Variants in CFB observed in about 807,000 individuals in gnomAD.
The protein encoded by CFB is B-factor, properdin.
CFB carries 59 observed loss-of-function variants against 97.2 expected under a neutral mutation model. The observed-to-expected ratio is 0.61, with a 90% CI of 0.49 to 0.75. CFB has a LOEUF of 0.75. CFB is among the 30% of genes least tolerant of loss of function. CFB has a pLI of 0.00. For missense variants in CFB, 771 were observed against 959.8 expected, an observed-to-expected ratio of 0.80 and a Z score of 2.60; for synonymous variants, 316 against 351.7, an observed-to-expected ratio of 0.90 and a Z score of 1.14.
chr6:31,947,547 T>A lies in CFB; in HGVS notation c.658+26T>A. On this transcript the variant is annotated intron_variant, in intron 4 of 17. Coordinates refer to ENST00000425368, the MANE Select transcript of CFB (RefSeq NM_001710.6). The surrounding 1 kb of genome is among the most constrained non-coding windows in gnomAD (Gnocchi z 5.3). ...GTGACCTTTGACCTGTACCCCCAGG[T>A]CAGATCCTGGTCTTCCATCCTACTG... 1 of 1,612,616 alleles carries A rather than the reference T, an allele frequency of 6.2e-7. No homozygotes were observed. The highest frequency in any genetic ancestry group is 8.5e-7 in the Non-Finnish European group (1 of 1,179,878).
chr6:31,950,741 A>C lies in CFB; in HGVS notation c.1747A>C (p.Lys583Gln). 1 of 1,613,082 alleles carries C rather than the reference A, an allele frequency of 6.2e-7. No homozygotes were observed. Among genetic ancestry groups the C allele is most frequent in the Middle Eastern group, 1.6e-4 (1 of 6,062 alleles). Residue 583 changes from lysine (K) to glutamine (Q), a missense_variant, in exon 13 of 18, where the codon AAG (lysine) becomes CAG (glutamine). Lys to Gln is a moderately conservative substitution (Grantham distance 53, BLOSUM62 1). Coordinates refer to ENST00000425368, the MANE Select transcript of CFB (RefSeq NM_001710.6). ...YDYDVALIKL[K>Q]NKLKYGQTIR... The stretch of plus-strand genomic sequence containing the variant: ...CTATGACGTTGCCCTGATCAAGCTC[A>C]AGAATAAGCTGAAATATGGCCAGAC...
rs757245217 is a variant in CFB at position 31,951,137 on chromosome 6, C to T, written c.1856-7C>T. 32 of 1,612,214 alleles carry T rather than the reference C, an allele frequency of 2.0e-5. No individual in the cohort carries two copies. Among genetic ancestry groups the T allele is most frequent in the Non-Finnish European group, 2.4e-5 (28 of 1,179,492 alleles). ...AGCAGCTGAAGTGACGCAGTCTATT[C>T]GTCCAGAGGAAGAGCTGCTCCCTGC... is the stretch of plus-strand genomic sequence containing the variant. On this transcript the variant is annotated splice_polypyrimidine_tract_variant and splice_region_variant and intron_variant, in intron 14 of 17. Transcript: ENST00000425368. The surrounding 1 kb of genome is among the most constrained non-coding windows in gnomAD (Gnocchi z 4.3).
chr6:31,949,260 G>A lies in CFB; in HGVS notation c.1186G>A (p.Gly396Arg), dbSNP rs141984066. The A allele has an allele frequency of 1.7e-5, 28 of 1,613,954 alleles. No individual in the cohort carries two copies. Among genetic ancestry groups the A allele is most frequent in the Non-Finnish European group, 2.2e-5 (26 of 1,180,048 alleles). ...LMTDGLHNMG[G>R]DPITVIDEIR... ...TTCTGCAGGATTGCACAACATGGGC[G>A]GGGACCCAATTACTGTCATTGATGA... Residue 396 changes from glycine to arginine, a missense_variant, in exon 9 of 18, where the codon GGG (glycine) becomes AGG (arginine). Coordinates refer to ENST00000425368, the MANE Select transcript of CFB (RefSeq NM_001710.6).
intron 8 of CFB, 112 bp from the exon 9 acceptor site, chr6:31,949,131 G>T: frequency 1.4e-6 from 2 of 1,428,884 alleles, no homozygotes; most frequent in South Asian, 2.4e-5. Context: ...TAAGCCCTGT[G>T]ATCAACTATC....
rs1582141381 is a variant in CFB, at chr6:31,950,848, G to A, written c.1779-20G>A. ...GGGTGAGGAGCAGGCCTGGTTTGCT[G>A]TTCTCCTTGTCCTTTATAGGCCCAT... is the stretch of plus-strand genomic sequence containing the variant. On this transcript the variant is annotated intron_variant, in intron 13 of 17. Coordinates refer to ENST00000425368, the MANE Select transcript of CFB (RefSeq NM_001710.6). The A allele has an allele frequency of 1.2e-6, 2 of 1,613,056 alleles. No individual in the cohort carries two copies. Among genetic ancestry groups the A allele is most frequent in the African/African-American group, 1.3e-5 (1 of 75,044 alleles).
rs1771505664 is a variant in CFB at position 31,947,453 on chromosome 6, T to A, written c.590T>A (p.Leu197Gln). The change falls in exon 4 of 18, where the codon CTG becomes CAG. Residue 197 changes from leucine (L) to glutamine (Q), a missense_variant. Physicochemically the swap from Leu to Gln is moderately radical, Grantham distance 113. Transcript: ENST00000425368. The surrounding 1 kb of genome is among the most constrained non-coding windows in gnomAD (Gnocchi z 5.3). ...TACCACTGCAGCCGGGGGCTTACCC[T>A]GCGTGGCTCCCAGCGGCGAACGTGT... ...VTYHCSRGLT[L>Q]RGSQRRTCQE... is the part of the protein sequence containing the mutation. 1 of 1,612,866 alleles carries A rather than the reference T, an allele frequency of 6.2e-7. No individual in the cohort carries two copies. The highest frequency in any genetic ancestry group is 8.5e-7 in the Non-Finnish European group (1 of 1,180,006).
At chr6:31,950,997 G>A in intron 14 of CFB, 53 bp downstream of exon 14, 1 of 1,597,826 alleles carries the variant, frequency 6.3e-7, no homozygotes, top group Non-Finnish European at 8.6e-7. Flanking sequence ...GACAAGTGGG[G>A]CATGAGAGGG....
rs1330205402 is a variant in CFB at position 31,947,399 on chromosome 6, G to C, written c.536G>C (p.Ser179Thr). The change falls in exon 4 of 18, where the codon AGC becomes ACC. Residue 179 changes from serine (S) to threonine (T), a missense_variant. Coordinates refer to ENST00000425368, the MANE Select transcript of CFB (RefSeq NM_001710.6). This position sits in a 1 kb window ranked among gnomAD's most constrained non-coding sequence, Gnocchi z 5.3. ...GIPIGTRKVG[S>T]QYRLEDSVTY... is the part of the protein sequence containing the mutation. ...CCCATTGGCACAAGGAAGGTGGGCA[G>C]CCAGTACCGCCTTGAAGACAGCGTC... 7.4e-6 allele frequency: 12 copies of C among 1,613,076 alleles called. No homozygotes were observed. The highest frequency in any genetic ancestry group is 1.0e-5 in the Non-Finnish European group (12 of 1,180,038).
rs1771427790 is a variant in CFB at position 31,946,436 on chromosome 6, A to C, written c.128A>C (p.Glu43Ala). The change falls in exon 2 of 18, where the codon GAG becomes GCG. Residue 43 changes from glutamate (E) to alanine (A), a missense_variant. Physicochemically the swap from Glu to Ala is moderately radical, Grantham distance 107 (BLOSUM62 -1). Coordinates refer to ENST00000425368, the MANE Select transcript of CFB (RefSeq NM_001710.6). This position sits in a 1 kb window ranked among gnomAD's most constrained non-coding sequence, Gnocchi z 6.4. Reference sequence around the variant, plus strand: ...GGATCCTGCTCTCTGGAGGGGGTAGAGATCAAAGGCGGCTCCTTCCGACTT... The same window carrying C: ...GGATCCTGCTCTCTGGAGGGGGTAGCGATCAAAGGCGGCTCCTTCCGACTT... Reference protein sequence around the residue: ...PQGSCSLEGVEIKGGSFRLLQ... With the variant: ...PQGSCSLEGVAIKGGSFRLLQ... 1.2e-6 allele frequency: 2 copies of C among 1,613,000 alleles called. No individual in the cohort carries two copies. Among genetic ancestry groups the C allele is most frequent in the Admixed American group, 1.7e-5 (1 of 60,020 alleles).
In CFB at chr6:31,947,092, T is replaced by G. The variant is rs1366412550; in HGVS notation, c.384T>G (p.Ser128=). Residue 128 remains serine, a synonymous_variant, in exon 3 of 18, where the codon TCT becomes TCG. Transcript: ENST00000425368. This position sits in a 1 kb window ranked among gnomAD's most constrained non-coding sequence, Gnocchi z 5.3. The stretch of plus-strand genomic sequence containing the variant: ...ACTACAATGTGAGTGATGAGATCTC[T>G]TTCCACTGCTATGACGGTTACACTC... ...SPYYNVSDEI[S]FHCYDGYTLR... The G allele has an allele frequency of 1.2e-6, 2 of 1,613,000 alleles. No individual in the cohort carries two copies. The highest frequency in any genetic ancestry group is 2.2e-5 in the South Asian group (2 of 91,084).
At chr6:31,949,592 T>C in intron 10 of CFB, 35 bp downstream of exon 10, 1 of 1,611,282 alleles carries the variant, frequency 6.2e-7, no homozygotes, top group Non-Finnish European at 8.5e-7. Context: ...AACACAACTC[T>C]CCTCAGGTTC....
rs4151662 is a variant in CFB at position 31,951,542 on chromosome 6, C to G, written c.2090-13C>G. 105 of 1,614,168 alleles carry G rather than the reference C, an allele frequency of 6.5e-5. No individual in the cohort carries two copies. The African/African-American group carries it at 1.3e-3, about 19-fold the overall frequency. ...AACAGTCCTTTTCTCTACAGCTTCT[C>G]CTCTCCTTGCAGGTGATTCTGGCGG... On this transcript the variant is annotated splice_polypyrimidine_tract_variant and intron_variant, in intron 16 of 17. Coordinates refer to ENST00000425368, the MANE Select transcript of CFB (RefSeq NM_001710.6). This position sits in a 1 kb window ranked among gnomAD's most constrained non-coding sequence, Gnocchi z 4.3.
chr6:31,946,446 C>T lies in CFB; in HGVS notation c.138C>T (p.Gly46=), dbSNP rs767419562. The T allele has an allele frequency of 1.2e-5, 20 of 1,612,920 alleles. No individual in the cohort carries two copies. The highest frequency in any genetic ancestry group is 1.7e-5 in the Admixed American group (1 of 60,000). ...CTCTGGAGGGGGTAGAGATCAAAGG[C>T]GGCTCCTTCCGACTTCTCCAAGAGG... ...SCSLEGVEIK[G]GSFRLLQEGQ... The change falls in exon 2 of 18, where the codon GGC becomes GGT. Residue 46 remains glycine, a synonymous_variant. Coordinates refer to ENST00000425368, the MANE Select transcript of CFB (RefSeq NM_001710.6). This position sits in a 1 kb window ranked among gnomAD's most constrained non-coding sequence, Gnocchi z 6.4.
At chr6:31,950,474 C>T (rs765931266) in intron 12 of CFB, 71 bp downstream of exon 12, 1 of 1,562,418 alleles carries the variant, frequency 6.4e-7, no homozygotes, top group East Asian at 2.2e-5. Context: ...TTCTACAGAT[C>T]CTACACTCCA....
Position 31,949,464 on chromosome 6 carries a change from A to G in CFB, c.1315A>G (p.Ile439Val). 6.2e-7 allele frequency: 1 copy of G among 1,614,180 alleles called. No homozygotes were observed. Among genetic ancestry groups the G allele is most frequent in the Non-Finnish European group, 8.5e-7 (1 of 1,180,034 alleles). ...GVGPLVNQVN[I>V]NALASKKDNE... is the part of the protein sequence containing the mutation. ...CGGGCCTTTGGTGAACCAAGTGAAC[A>G]TCAATGCTTTGGCTTCCAAGAAAGA... is the stretch of plus-strand genomic sequence containing the variant. Residue 439 changes from isoleucine (I) to valine (V), a missense_variant, in exon 10 of 18, where the codon ATC (isoleucine) becomes GTC (valine). Coordinates refer to ENST00000425368, the MANE Select transcript of CFB (RefSeq NM_001710.6).
chr6:31,949,858 A>G (rs1421659241), intron 10 of CFB, 192 bp from the exon 11 acceptor site: 2 of 718,094 alleles, frequency 2.8e-6, no homozygotes, highest in Non-Finnish European at 4.8e-6. Context: ...CAGGCCTCTG[A>G]CAGCTTGATC....
rs773665034 is a variant in CFB at position 31,948,973 on chromosome 6, CCT to C, written c.1168+18_1168+19del. On this transcript the variant is annotated intron_variant, in intron 8 of 17. Transcript: ENST00000425368. ...CCTCATGACTGATGGTCAGAAGGGACCTCTCTCCTGTCCCAGCCTCCCCACCT... is the reference window on the plus strand; with the variant it reads ...CCTCATGACTGATGGTCAGAAGGGACCTCTCCTGTCCCAGCCTCCCCACCT... 5.0e-6 allele frequency: 8 copies of C among 1,612,874 alleles called. No individual in the cohort carries two copies. The South Asian group carries it at 6.6e-5, about 13-fold the overall frequency.
In CFB at chr6:31,950,363, C is replaced by T. The variant is rs1329248268; in HGVS notation, c.1584C>T (p.Phe528=). 3 of 1,613,076 alleles carry T rather than the reference C, an allele frequency of 1.9e-6. No individual in the cohort carries two copies. The South Asian group carries it at 3.3e-5, about 18-fold the overall frequency. The stretch of plus-strand genomic sequence containing the variant: ...TTGTGCTGACAGCAGCACATTGTTT[C>T]ACTGTGGATGACAAGGAACACTCAA... ...EYFVLTAAHC[F]TVDDKEHSIK... The change falls in exon 12 of 18, where the codon TTC becomes TTT. Residue 528 remains phenylalanine, a synonymous_variant. Transcript: ENST00000425368.
At chr6:31,949,826 C>T (rs1771641805) in intron 10 of CFB, 1 of 683,326 alleles carries the variant, frequency 1.5e-6, no homozygotes, top group Non-Finnish European at 2.5e-6. Flanking sequence ...AAGTTAGCAA[C>T]AAGGGTGGGC....
Sources: gnomAD v4.1 joint callset for allele counts on GRCh38, gnomAD v4.1.1 for gene constraint, Gnocchi (gnomAD v3.1) non-coding constraint, MANE v1.5 for transcripts, NCBI Gene and HGNC (gene_info 2026-07-23, HGNC 2026-07-21) for gene names.